RPS6KA2: variants seen among roughly 807,000 people sequenced by gnomAD.
RPS6KA2 encodes ribosomal protein S6 kinase A2, also known as ribosomal protein S6 kinase alpha-2.
RPS6KA2 carries 42 observed loss-of-function variants against 91.8 expected under a neutral mutation model. The ratio of observed to expected loss-of-function variants is 0.46; its 90% CI spans 0.36 to 0.59. The LOEUF is 0.59. Ranked by LOEUF, RPS6KA2 falls within the 20% of genes least tolerant of loss-of-function variation. The pLI, the probability that RPS6KA2 is intolerant of heterozygous loss-of-function variation, is 0.00. For synonymous variants in RPS6KA2, 414 were observed against 393.6 expected, an observed-to-expected ratio of 1.05 and a Z score of -0.61; for missense variants, 798 against 978.5, an observed-to-expected ratio of 0.82 and a Z score of 2.46.
chr6:166,448,714 C>A lies in RPS6KA2; in HGVS notation c.1332+10G>T. The A allele has an allele frequency of 6.2e-7, 1 of 1,606,062 alleles. No homozygotes were observed. Among genetic ancestry groups the A allele is most frequent in the Non-Finnish European group, 8.5e-7 (1 of 1,175,672 alleles). On this transcript the variant is annotated intron_variant, in intron 14 of 20. Transcript: ENST00000265678. The surrounding 1 kb of genome is among the most constrained non-coding windows in gnomAD (Gnocchi z 4.7). ...CACAGGGCCCTGCTCACTCAGCAGG[C>A]CTGCCTTACCTTCACGGCATACTCG...
chr6:166,612,876 T>G lies in RPS6KA2; in HGVS notation c.99+14045A>C, dbSNP rs1411944024. On this transcript the variant is annotated intron_variant, in intron 1 of 20. Transcript: ENST00000265678. The surrounding 1 kb of genome is among the most constrained non-coding windows in gnomAD (Gnocchi z 4.3). ...CTACGTCCCACTTGTTTCTTGACTC[T>G]TCTCCACTCTTCCCCTTCTCTTGTC... 6.6e-6 allele frequency among the ~76,000 whole-genome samples: 1 copy of G among 152,176 alleles called. No individual in the cohort carries two copies. The highest frequency in any genetic ancestry group is 2.4e-5 in the African/African-American group (1 of 41,432).
intron 1 of RPS6KA2, among the ~76,000 whole-genome samples, chr6:166,539,694 T>C (rs6923162): frequency 0.74 from 112,610 of 152,100 alleles, 41,841 homozygotes; most frequent in East Asian, 0.89. Context: ...CAAATTTTCA[T>C]CCCAGAGCTT....
chr6:166,620,895 G>A (rs1473834857), intron 1 of RPS6KA2, among the ~76,000 whole-genome samples: 2 of 152,246 alleles, frequency 1.3e-5, no homozygotes, highest in African/African-American at 2.4e-5. Context: ...AGGTGGCTGG[G>A]AGAAGGGGCA....
chr6:166,760,487 GC>G (rs1778138133), intron 2 of RPS6KA2, among the ~76,000 whole-genome samples: 2 of 152,164 alleles, frequency 1.3e-5, no homozygotes, highest in African/African-American at 2.4e-5. Flanking sequence ...TGTGGGCACC[GC>G]CCCCACCCCC....
intron 1 of RPS6KA2, among the ~76,000 whole-genome samples, chr6:166,558,806 T>C (rs1311265548): frequency 6.6e-6 from 1 of 152,218 alleles, no homozygotes; most frequent in Non-Finnish European, 1.5e-5. Flanking sequence ...TCACAAGTGC[T>C]GGCTGGACAC....
At chr6:166,742,138 C>CA (rs1242069029) in intron 2 of RPS6KA2, among the ~76,000 whole-genome samples, 10 of 151,990 alleles carry the variant, frequency 6.6e-5, no homozygotes, top group South Asian at 2.1e-4. Flanking sequence ...ATCTCAAAAA[C>CA]AAAAAACAAA....
intron 2 of RPS6KA2, among the ~76,000 whole-genome samples, chr6:166,646,667 C>T (rs542114678): frequency 3.6e-4 from 55 of 152,368 alleles, no homozygotes; most frequent in East Asian, 1.2e-3. Context: ...CTTCGTTTCA[C>T]CAGGGGCTCC....
At position 166,586,508 on chromosome 6, in the gene RPS6KA2, T is replaced by C. The variant is rs563125076; in HGVS notation, c.99+40413A>G. 78 of 1,580,246 alleles carry C rather than the reference T, an allele frequency of 4.9e-5. No homozygotes were observed. In the East Asian group the frequency reaches 1.6e-3, roughly 33 times the overall value. On this transcript the variant is annotated intron_variant, in intron 1 of 20. Transcript: ENST00000265678. ...AAATCCCAAAGGTTTGAGGCAGCTGTATTGCTTAATGTTTAGGTTGTTTAA... is the reference window on the plus strand; with the variant it reads ...AAATCCCAAAGGTTTGAGGCAGCTGCATTGCTTAATGTTTAGGTTGTTTAA...
At chr6:166,687,589 CTATT>C (rs1789064631) in intron 2 of RPS6KA2, among the ~76,000 whole-genome samples, 2 of 152,294 alleles carry the variant, frequency 1.3e-5, no homozygotes, top group African/African-American at 2.4e-5. Context: ...TGACTCCACT[CTATT>C]TATTTTTCTA....
At chr6:166,544,189 T>C (rs190725767) in intron 1 of RPS6KA2, among the ~76,000 whole-genome samples, 6 of 152,380 alleles carry the variant, frequency 3.9e-5, no homozygotes, top group Admixed American at 1.3e-4. Context: ...GATCCAGGAC[T>C]TTCGGTTGTA....
intron 2 of RPS6KA2, among the ~76,000 whole-genome samples, chr6:166,781,039 T>G (rs1778756821): frequency 6.6e-6 from 1 of 152,202 alleles, no homozygotes. Flanking sequence ...TCCCAGCCTT[T>G]AAGGACTAGA....
chr6:166,755,157 A>G (rs1213850177), intron 2 of RPS6KA2, among the ~76,000 whole-genome samples: 1 of 152,200 alleles, frequency 6.6e-6, no homozygotes, highest in East Asian at 1.9e-4. Flanking sequence ...GGAGGTTTGC[A>G]TCCACGCATA....
intron 10 of RPS6KA2, among the ~76,000 whole-genome samples, chr6:166,486,325 A>T (rs1781409226): frequency 6.6e-6 from 1 of 152,080 alleles, no homozygotes; most frequent in Non-Finnish European, 1.5e-5. Context: ...GTGCTGCAGC[A>T]TGGGCCCTCT....
At chr6:166,503,103 C>T (rs994619171) in intron 6 of RPS6KA2, among the ~76,000 whole-genome samples, 13 of 152,192 alleles carry the variant, frequency 8.5e-5, no homozygotes, top group African/African-American at 2.9e-4. Context: ...TATGAAACCA[C>T]GTTTGTGTTA....
At chr6:166,838,963 G>A (rs1282826754) in intron 2 of RPS6KA2, among the ~76,000 whole-genome samples, 3 of 152,288 alleles carry the variant, frequency 2.0e-5, no homozygotes, top group Middle Eastern at 3.4e-3. Flanking sequence ...GAGTGAGGCC[G>A]CTGCAGGAAA....
chr6:166,450,894 C>A (rs940615002), intron 13 of RPS6KA2, among the ~76,000 whole-genome samples: 6 of 151,968 alleles, frequency 3.9e-5, no homozygotes, highest in African/African-American at 1.5e-4. Flanking sequence ...CACGTGAGAT[C>A]ATCATGGGGA....
intron 2 of RPS6KA2, among the ~76,000 whole-genome samples, chr6:166,755,367 G>A (rs535242137): frequency 6.6e-6 from 1 of 152,216 alleles, no homozygotes; most frequent in South Asian, 2.1e-4. Flanking sequence ...TCTGTTCAGG[G>A]TGTTCACTCC....
intron 1 of RPS6KA2, among the ~76,000 whole-genome samples, chr6:166,616,647 T>C (rs1786425027): frequency 6.6e-6 from 1 of 152,152 alleles, no homozygotes. Flanking sequence ...AGGTCCATCC[T>C]TCCCATCCAT....
intron 10 of RPS6KA2, among the ~76,000 whole-genome samples, chr6:166,480,514 T>TATATATATATATATATATATATATATAA (rs1554279395): frequency 5.4e-5 from 6 of 110,720 alleles, no homozygotes; most frequent in African/African-American, 1.9e-4. Flanking sequence ...TATATATATA[T>TATATATATATATATATATATATATATAA]AATATATTTT....
Sources: allele counts gnomAD v4.1 joint callset (sites outside exome capture counted in the v4.1 genomes callset), GRCh38; gene constraint gnomAD v4.1.1; non-coding constraint Gnocchi (gnomAD v3.1); transcripts MANE v1.5; gene names NCBI Gene and HGNC (gene_info 2026-07-23, HGNC 2026-07-21).